Variants in DOK6 observed in about 807,000 individuals in gnomAD.
DOK6 encodes the protein docking protein 6.
In DOK6, 22 loss-of-function variants were observed where a neutral mutation model predicts 44.0. The observed-to-expected ratio is 0.50, with a 90% CI of 0.36 to 0.71. DOK6 has a LOEUF of 0.71. Among genes scored for constraint, DOK6 ranks in the 30% least tolerant of loss-of-function variants. DOK6 has a pLI of 0.00. For synonymous variants in DOK6, 166 were observed against 145.5 expected (o/e 1.14, Z -1.01); for missense variants, 340 against 416.4 (o/e 0.82, Z 1.60).
intron 7 of DOK6, among the ~76,000 whole-genome samples, chr18:69,813,448 A>G (rs888655867): frequency 3.9e-5 from 6 of 152,098 alleles, no homozygotes; most frequent in Non-Finnish European, 5.9e-5. Flanking sequence ...TAATGTTTCT[A>G]TGCTTACTGA....
intron 7 of DOK6, among the ~76,000 whole-genome samples, chr18:69,776,619 T>C (rs1049032887): frequency 1.3e-5 from 2 of 151,924 alleles, no homozygotes; most frequent in African/African-American, 4.8e-5. Flanking sequence ...AAAAATAGGA[T>C]AAAATCAACT....
At chr18:69,511,991 T>C (rs1029970913) in intron 1 of DOK6, among the ~76,000 whole-genome samples, 1 of 152,156 alleles carries the variant, frequency 6.6e-6, no homozygotes, top group African/African-American at 2.4e-5. Context: ...GGATTATGTT[T>C]GGGCAGATGC....
intron 2 of DOK6, among the ~76,000 whole-genome samples, chr18:69,597,506 T>C (rs1389501989): frequency 6.9e-6 from 1 of 145,794 alleles, no homozygotes; most frequent in Non-Finnish European, 1.5e-5. Context: ...CTAACACATG[T>C]ATTTTCTCCA....
intron 2 of DOK6, among the ~76,000 whole-genome samples, chr18:69,566,010 A>T (rs1387259683): frequency 2.6e-5 from 4 of 152,204 alleles, no homozygotes; most frequent in African/African-American, 9.7e-5. Context: ...TAAAATTTTG[A>T]TGGGCTGAGC....
chr18:69,733,686 G>T (rs1198857169), intron 5 of DOK6, among the ~76,000 whole-genome samples: 1 of 151,896 alleles, frequency 6.6e-6, no homozygotes, highest in Non-Finnish European at 1.5e-5. Flanking sequence ...ACATTAGCAT[G>T]CTCTACATAT....
chr18:69,813,231 T>C (rs1981295868), intron 7 of DOK6, among the ~76,000 whole-genome samples: 1 of 152,164 alleles, frequency 6.6e-6, no homozygotes, highest in Non-Finnish European at 1.5e-5. Flanking sequence ...TGAGGTGCCC[T>C]TATCTGCCAT....
intron 1 of DOK6, 83 bp downstream of exon 1, chr18:69,401,393 C>T: frequency 1.4e-6 from 2 of 1,384,318 alleles, no homozygotes; most frequent in Non-Finnish European, 1.9e-6. Context: ...GGAGAGGTGA[C>T]CCGTGCGGGT....
At chr18:69,448,961 T>C (rs1204135038) in intron 1 of DOK6, among the ~76,000 whole-genome samples, 1 of 152,176 alleles carries the variant, frequency 6.6e-6, no homozygotes, top group Non-Finnish European at 1.5e-5. Flanking sequence ...AAATAATTTG[T>C]CACCCAAATC....
chr18:69,473,708 G>A (rs927823443), intron 1 of DOK6, among the ~76,000 whole-genome samples: 11 of 152,134 alleles, frequency 7.2e-5, no homozygotes, highest in African/African-American at 2.7e-4. Context: ...ATGTTGCTGA[G>A]GGAAAGAGAC....
rs1290816212 is a variant in DOK6, at chr18:69,570,496, A to G, written c.174+5902A>G. Among the ~76,000 whole-genome samples the G allele has an allele frequency of 3.3e-5, 5 of 152,138 alleles. No individual in the cohort carries two copies. In the East Asian group the frequency reaches 9.6e-4, roughly 29 times the overall value. On this transcript the variant is annotated intron_variant, in intron 2 of 7. Transcript: ENST00000382713. Reference sequence around the variant, plus strand: ...TAGTTAGTATTCCCATTGCAAAGAAAGAAGAGAATGAGAAAGAAAAAAATT... The same window carrying G: ...TAGTTAGTATTCCCATTGCAAAGAAGGAAGAGAATGAGAAAGAAAAAAATT...
At chr18:69,686,990 T>C (rs1986167768) in intron 4 of DOK6, among the ~76,000 whole-genome samples, 1 of 151,992 alleles carries the variant, frequency 6.6e-6, no homozygotes, top group Non-Finnish European at 1.5e-5. Flanking sequence ...GACACTTAAA[T>C]AAGAAATAAT....
At chr18:69,718,333 C>T (rs1047797747) in intron 5 of DOK6, among the ~76,000 whole-genome samples, 2 of 152,086 alleles carry the variant, frequency 1.3e-5, no homozygotes, top group Non-Finnish European at 2.9e-5. Context: ...TCCCCAACCC[C>T]CCAAAAGAAG....
rs141273134 is a variant in DOK6, at chr18:69,559,278, A to G, written c.67-5209A>G. 1.9e-3 allele frequency among the ~76,000 whole-genome samples: 287 copies of G among 152,030 alleles called. 1 individual carries two copies. Among genetic ancestry groups the G allele is most frequent in the Non-Finnish European group, 8.7e-4 (59 of 68,000 alleles). On this transcript the variant is annotated intron_variant, in intron 1 of 7. Coordinates refer to ENST00000382713, the MANE Select transcript of DOK6 (RefSeq NM_152721.6). ...GGAATTACAGTCAGCAAGTATGTGT[A>G]TTTACATATTTCCACGAATATTGTA... is the stretch of plus-strand genomic sequence containing the variant.
At chr18:69,566,473 G>A (rs1982986704) in intron 2 of DOK6, among the ~76,000 whole-genome samples, 1 of 152,146 alleles carries the variant, frequency 6.6e-6, no homozygotes, top group Admixed American at 6.5e-5. Context: ...AGGAAAAATT[G>A]TCAAGAAGCA....
intron 1 of DOK6, among the ~76,000 whole-genome samples, chr18:69,457,675 T>C (rs1292413557): frequency 6.6e-6 from 1 of 152,202 alleles, no homozygotes; most frequent in Admixed American, 6.5e-5. Context: ...CTGTGAGGAA[T>C]GTCATTGGTA....
At chr18:69,832,688 A>G (rs1981936772) in intron 7 of DOK6, 1 of 152,192 alleles carries the variant, frequency 6.6e-6, no homozygotes, top group Admixed American at 6.5e-5. Flanking sequence ...CTTCAATCTC[A>G]TTATTCATTA....
At chr18:69,513,028 A>G (rs1361288270) in intron 1 of DOK6, among the ~76,000 whole-genome samples, 1 of 152,194 alleles carries the variant, frequency 6.6e-6, no homozygotes, top group Non-Finnish European at 1.5e-5. Context: ...AGCTGATTTT[A>G]TTAAATATAT....
chr18:69,435,248 A>G (rs1392549755), intron 1 of DOK6, among the ~76,000 whole-genome samples: 1 of 152,178 alleles, frequency 6.6e-6, no homozygotes, highest in African/African-American at 2.4e-5. Flanking sequence ...GCACTTGCAC[A>G]TTGGCCAGTC....
At chr18:69,599,889 A>G (rs1983833242) in intron 3 of DOK6, among the ~76,000 whole-genome samples, 1 of 152,224 alleles carries the variant, frequency 6.6e-6, no homozygotes, top group Non-Finnish European at 1.5e-5. Context: ...CCCAGTCCGC[A>G]GACACCACAA....
Sources: gnomAD v4.1 joint callset for allele counts (sites outside exome capture counted in the v4.1 genomes callset) on GRCh38, gnomAD v4.1.1 for gene constraint, MANE v1.5 for transcripts, NCBI Gene and HGNC (gene_info 2026-07-23, HGNC 2026-07-21) for gene names.